Variants in ARHGAP42 observed in about 807,000 individuals in gnomAD.
ARHGAP42 encodes rho GTPase-activating protein 42.
ARHGAP42 carries 63 observed loss-of-function variants against 125.0 expected under a neutral mutation model. The observed-to-expected ratio is 0.50, with a 90% CI of 0.41 to 0.62. ARHGAP42 has a LOEUF of 0.62. Among genes scored for constraint, ARHGAP42 ranks in the 20% least tolerant of loss-of-function variants. ARHGAP42 has a pLI of 0.00. For missense variants in ARHGAP42, 766 were observed against 1,024.2 expected, an observed-to-expected ratio of 0.75 and a Z score of 3.44; for synonymous variants, 339 against 351.0, an observed-to-expected ratio of 0.97 and a Z score of 0.38.
rs1178675613 is a variant in ARHGAP42 at position 100,859,472 on chromosome 11, A to G, written c.313-82A>G. 4.3e-6 allele frequency: 5 copies of G among 1,149,428 alleles called. No homozygotes were observed. The East Asian group carries it at 1.3e-4, about 31-fold the overall frequency. The allele number at this position is 1,149,428 out of a possible 1,614,324, so 71.2% of individuals were successfully genotyped here. On this transcript the variant is annotated intron_variant, in intron 3 of 23. Coordinates refer to ENST00000298815, the MANE Select transcript of ARHGAP42 (RefSeq NM_152432.4). Reference sequence around the variant, plus strand: ...CAAAAACAAAAACAGTCTATTTGATACATTGGATAAAGTAGCCATTTTTTC... The same window carrying G: ...CAAAAACAAAAACAGTCTATTTGATGCATTGGATAAAGTAGCCATTTTTTC...
chr11:100,887,526 T>TA (rs1866120853), intron 4 of ARHGAP42, among the ~76,000 whole-genome samples: 2 of 152,218 alleles, frequency 1.3e-5, no homozygotes, highest in Admixed American at 1.3e-4. Flanking sequence ...CTTTCTAGGT[T>TA]AAAAATCCTT....
intron 12 of ARHGAP42, among the ~76,000 whole-genome samples, chr11:100,956,181 ACAT>A (rs34830886): frequency 0.88 from 133,943 of 151,868 alleles, 59,158 homozygotes; most frequent in East Asian, 1. Context: ...GTCAAAAGGG[ACAT>A]CATATTCCAG....
chr11:100,750,412 CG>C (rs989507181), intron 1 of ARHGAP42, among the ~76,000 whole-genome samples: 1 of 147,780 alleles, frequency 6.8e-6, no homozygotes, highest in Non-Finnish European at 1.5e-5. Context: ...AGTGGTTTGG[CG>C]GTAAAAATGG....
At chr11:100,836,718 T>C (rs80184253) in intron 3 of ARHGAP42, among the ~76,000 whole-genome samples, 1 of 142,732 alleles carries the variant, frequency 7.0e-6, no homozygotes, top group Non-Finnish European at 1.5e-5. Flanking sequence ...GTTTTTTTTT[T>C]GTTGTTGTTT....
chr11:100,728,713 CGTATATATATATATATATATATATATAT>C lies in ARHGAP42; in HGVS notation c.154+40882_154+40909del, dbSNP rs1237388888. On this transcript the variant is annotated intron_variant, in intron 1 of 23. Transcript: ENST00000298815. ...AAGTGAAATTATATGAATGACTTTG[CGTATATATATATATATATATATATATAT>C]ATATATATATATATATGCACACTTT... Among the ~76,000 whole-genome samples, 526 of 95,312 alleles carry C rather than the reference CGTATATATATATATATATATATATATAT, an allele frequency of 5.5e-3. 15 individuals are homozygous for C. The highest frequency in any genetic ancestry group is 0.019 in the African/African-American group (497 of 26,564). 62.5% of individuals were successfully genotyped at this position (95,312 alleles called of 152,430 possible). A position where few individuals can be genotyped will look rare whatever the true frequency, so the allele number is the denominator to read the frequency against.
At chr11:100,771,638 G>T (rs1379634733) in intron 2 of ARHGAP42, among the ~76,000 whole-genome samples, 2 of 150,742 alleles carry the variant, frequency 1.3e-5, no homozygotes, top group East Asian at 3.9e-4. Flanking sequence ...TTGCTCTGTC[G>T]CCCAGGCTGG....
intron 8 of ARHGAP42, among the ~76,000 whole-genome samples, chr11:100,940,345 G>A (rs1867843895): frequency 6.6e-6 from 1 of 152,100 alleles, no homozygotes; most frequent in East Asian, 1.9e-4. Context: ...AAATTCAGAT[G>A]TTAAGCAAGA....
chr11:100,729,016 A>T (rs1861911541), intron 1 of ARHGAP42, among the ~76,000 whole-genome samples: 1 of 151,556 alleles, frequency 6.6e-6, no homozygotes, highest in Admixed American at 6.6e-5. Context: ...TTATCTGCCC[A>T]CCTCGGCCTT....
rs1861107040 is a variant in ARHGAP42 at position 100,687,623 on chromosome 11, C to G, written c.-56C>G. On this transcript the variant is annotated 5_prime_UTR_variant, in exon 1 of 24. Transcript: ENST00000298815. ...CGCCCGCCGCGGCCGCCGGCTGCCC[C>G]CGCCCTGACCTCCGGCCCGGACGTG... is the stretch of plus-strand genomic sequence containing the variant. 8.1e-7 allele frequency: 1 copy of G among 1,240,680 alleles called. No homozygotes were observed. The highest frequency in any genetic ancestry group is 1.0e-6 in the Non-Finnish European group (1 of 986,606). The allele number at this position is 1,240,680 out of a possible 1,614,324, so 76.9% of individuals were successfully genotyped here.
chr11:100,988,504 G>A (rs522988), intron 23 of ARHGAP42, among the ~76,000 whole-genome samples: 135,591 of 152,234 alleles, frequency 0.89, 60,501 homozygotes, highest in East Asian at 1. Flanking sequence ...AGCATACAGG[G>A]GGATGTCCCT....
intron 2 of ARHGAP42, among the ~76,000 whole-genome samples, chr11:100,791,917 T>C (rs1236074133): frequency 1.3e-5 from 2 of 152,198 alleles, no homozygotes; most frequent in African/African-American, 4.8e-5. Context: ...TAGAAAACAG[T>C]ATCATAAATT....
intron 4 of ARHGAP42, among the ~76,000 whole-genome samples, chr11:100,875,579 G>A (rs1692892252): frequency 1.3e-5 from 2 of 152,286 alleles, no homozygotes; most frequent in South Asian, 4.1e-4. Context: ...GCCGAGACGG[G>A]AAGGATGAGA....
chr11:100,926,242 T>G (rs1867418595), intron 6 of ARHGAP42, among the ~76,000 whole-genome samples: 2 of 152,202 alleles, frequency 1.3e-5, no homozygotes, highest in South Asian at 4.1e-4. Context: ...TTAGCTCACG[T>G]AAATCCATAA....
chr11:100,832,870 A>G (rs1182892901), intron 3 of ARHGAP42, among the ~76,000 whole-genome samples: 1 of 152,220 alleles, frequency 6.6e-6, no homozygotes, highest in Admixed American at 6.5e-5. Context: ...GAATCCAAGT[A>G]ATTGGCTCTG....
chr11:100,897,747 C>T (rs1296481827), intron 4 of ARHGAP42, among the ~76,000 whole-genome samples: 7 of 152,080 alleles, frequency 4.6e-5, no homozygotes, highest in African/African-American at 1.7e-4. Context: ...GAGGCTGAGA[C>T]GATGGGGTTT....
chr11:100,964,431 T>G (rs1858037200), intron 16 of ARHGAP42, among the ~76,000 whole-genome samples: 2 of 152,338 alleles, frequency 1.3e-5, no homozygotes, highest in South Asian at 2.1e-4. Flanking sequence ...AGATCAGATT[T>G]TTGATGTCTC....
At chr11:100,743,668 C>T (rs1041896263) in intron 1 of ARHGAP42, among the ~76,000 whole-genome samples, 2 of 152,102 alleles carry the variant, frequency 1.3e-5, no homozygotes, top group Admixed American at 6.5e-5. Flanking sequence ...ATTTTCCAAA[C>T]GTTTTGCTTT....
intron 1 of ARHGAP42, among the ~76,000 whole-genome samples, chr11:100,719,022 A>G (rs902921267): frequency 6.6e-6 from 1 of 152,218 alleles, no homozygotes; most frequent in Non-Finnish European, 1.5e-5. Context: ...ATTGAATACA[A>G]TTCCTTAATA....
At chr11:100,929,050 G>A (rs1279153865) in intron 6 of ARHGAP42, among the ~76,000 whole-genome samples, 5 of 152,218 alleles carry the variant, frequency 3.3e-5, no homozygotes, top group Non-Finnish European at 5.9e-5. Flanking sequence ...TATGAATAAT[G>A]TTATAAACCA....
Sources: allele counts gnomAD v4.1 joint callset (sites outside exome capture counted in the v4.1 genomes callset), GRCh38; gene constraint gnomAD v4.1.1; transcripts MANE v1.5; gene names NCBI Gene and HGNC (gene_info 2026-07-23, HGNC 2026-07-21).